The following PPP2R2A variants were observed in gnomAD, a reference collection of about 807,000 sequenced individuals.
The protein encoded by PPP2R2A is protein phosphatase 2 regulatory subunit Balpha, also known as serine/threonine-protein phosphatase 2A 55 kDa regulatory subunit B alpha isoform.
PPP2R2A carries 9 observed loss-of-function variants against 53.2 expected under a neutral mutation model. That is an observed-to-expected ratio of 0.17 (90% CI 0.10 to 0.30). PPP2R2A has a LOEUF of 0.30. PPP2R2A is among the 10% of genes least tolerant of loss of function. PPP2R2A has a pLI of 1.00. For missense variants in PPP2R2A, 235 were observed against 534.6 expected (o/e 0.44, Z 5.53); for synonymous variants, 169 against 174.2 (o/e 0.97, Z 0.23).
At chr8:26,292,439 C>T (rs1176457927) in intron 1 of PPP2R2A, 1 of 985,036 alleles carries the variant, frequency 1.0e-6, no homozygotes, top group Non-Finnish European at 1.2e-6. Context: ...CAAGGCCTTT[C>T]ATGTACAGCA....
In PPP2R2A at chr8:26,372,126, C is replaced by T. The variant is rs1805688260; in HGVS notation, c.*1713C>T. 6.6e-6 allele frequency: 1 copy of T among 152,128 alleles called. No individual in the cohort carries two copies. Among genetic ancestry groups the T allele is most frequent in the African/African-American group, 2.4e-5 (1 of 41,426 alleles). The allele number at this position is 152,128 out of a possible 1,614,324, so 9.4% of individuals were successfully genotyped here. ...CTTGTAAGTTAGCATTTTTAGCACA[C>T]AGGAGAAATTTTATGTAATAAAATT... is the stretch of plus-strand genomic sequence containing the variant. On this transcript the variant is annotated 3_prime_UTR_variant, in exon 10 of 10. Transcript: ENST00000380737.
At chr8:26,355,719 T>G (rs1408719228) in intron 4 of PPP2R2A, among the ~76,000 whole-genome samples, 1 of 151,776 alleles carries the variant, frequency 6.6e-6, no homozygotes, top group African/African-American at 2.4e-5. Flanking sequence ...AAAAAAATTA[T>G]CCGGGTGTGG....
At chr8:26,294,777 C>T (rs1801471842) in intron 2 of PPP2R2A, among the ~76,000 whole-genome samples, 1 of 152,050 alleles carries the variant, frequency 6.6e-6, no homozygotes, top group Non-Finnish European at 1.5e-5. Flanking sequence ...GTGTCAGTGT[C>T]ATCCTTAATT....
At chr8:26,300,801 A>G (rs1272840331) in intron 2 of PPP2R2A, among the ~76,000 whole-genome samples, 2 of 152,204 alleles carry the variant, frequency 1.3e-5, no homozygotes, top group Non-Finnish European at 2.9e-5. Flanking sequence ...CAGTGAGCCG[A>G]GATCGTGCCA....
intron 2 of PPP2R2A, among the ~76,000 whole-genome samples, chr8:26,313,922 A>G (rs1802413853): frequency 6.6e-6 from 1 of 152,236 alleles, no homozygotes; most frequent in African/African-American, 2.4e-5. Flanking sequence ...CCGAATTTGC[A>G]GTAATTTGTT....
At chr8:26,328,635 T>C (rs781290031) in intron 2 of PPP2R2A, among the ~76,000 whole-genome samples, 1 of 152,244 alleles carries the variant, frequency 6.6e-6, no homozygotes, top group Non-Finnish European at 1.5e-5. Flanking sequence ...GGATCAAATG[T>C]ACTTTGTAAC....
At chr8:26,367,440 AC>A (rs1250700839) in intron 9 of PPP2R2A, among the ~76,000 whole-genome samples, 1 of 152,208 alleles carries the variant, frequency 6.6e-6, no homozygotes, top group African/African-American at 2.4e-5. Flanking sequence ...TCAGAAAAAA[AC>A]GATTTGTTTT....
rs1272725065 is a variant in PPP2R2A, at chr8:26,291,555, TGCCGCCGCCGCCGTCGCTGTCGTAGTC to T, written c.-253_-227del. 121 of 501,964 alleles carry T rather than the reference TGCCGCCGCCGCCGTCGCTGTCGTAGTC, an allele frequency of 2.4e-4. No homozygotes were observed. Among genetic ancestry groups the T allele is most frequent in the Middle Eastern group, 1.6e-3 (3 of 1,882 alleles). The allele number at this position is 501,964 out of a possible 1,614,324, so 31.1% of individuals were successfully genotyped here. A position where few individuals can be genotyped will look rare whatever the true frequency, so the allele number is the denominator to read the frequency against. ...AAGTGGAGTCGCCTGCCCCTGCCGC[TGCCGCCGCCGCCGTCGCTGTCGTAGTC>T]GCCGCCGCCGCTGCCGGAGAAAGAG... is the stretch of plus-strand genomic sequence containing the variant. On this transcript the variant is annotated 5_prime_UTR_variant, in exon 1 of 10. Transcript: ENST00000380737.
chr8:26,308,895 C>T (rs1563287301), intron 2 of PPP2R2A, among the ~76,000 whole-genome samples: 1 of 152,080 alleles, frequency 6.6e-6, no homozygotes, highest in Non-Finnish European at 1.5e-5. Context: ...GATAGGGTCT[C>T]TGTTGCCCAG....
At chr8:26,330,467 G>A (rs926052680) in intron 2 of PPP2R2A, among the ~76,000 whole-genome samples, 29 of 151,646 alleles carry the variant, frequency 1.9e-4, no homozygotes, top group African/African-American at 6.5e-4. Context: ...AGCCGGGACC[G>A]CAGGAGCACG....
intron 3 of PPP2R2A, among the ~76,000 whole-genome samples, chr8:26,352,517 A>AT (rs1491126635): frequency 6.6e-6 from 1 of 152,158 alleles, no homozygotes; most frequent in African/African-American, 2.4e-5. Flanking sequence ...GATCACTTTA[A>AT]TAAAGTTTCA....
rs1804681578 is a variant in PPP2R2A at position 26,354,676 on chromosome 8, C to T, written c.346+43C>T. The T allele has an allele frequency of 7.0e-7, 1 of 1,434,128 alleles. No homozygotes were observed. Among genetic ancestry groups the T allele is most frequent in the Admixed American group, 2.2e-5 (1 of 45,360 alleles). 88.8% of individuals were successfully genotyped at this position (1,434,128 alleles called of 1,614,324 possible). ...CTTTCCATGTGCCCACTGTGTGTAC[C>T]TGTTGCACATATCCTGTAGCCTAGG... is the stretch of plus-strand genomic sequence containing the variant. On this transcript the variant is annotated intron_variant, in intron 4 of 9. Coordinates refer to ENST00000380737, the MANE Select transcript of PPP2R2A (RefSeq NM_002717.4). This position sits in a 1 kb window ranked among gnomAD's most constrained non-coding sequence, Gnocchi z 4.6.
At chr8:26,308,667 G>A (rs973505624) in intron 2 of PPP2R2A, among the ~76,000 whole-genome samples, 3 of 152,030 alleles carry the variant, frequency 2.0e-5, no homozygotes, top group East Asian at 1.9e-4. Flanking sequence ...TGAGCCCCTC[G>A]GAGTTATCCG....
rs1805015061 is a variant in PPP2R2A, at chr8:26,360,352, A to C, written c.459+71A>C. 1 of 833,716 alleles carries C rather than the reference A, an allele frequency of 1.2e-6. No homozygotes were observed. The highest frequency in any genetic ancestry group is 1.9e-6 in the Non-Finnish European group (1 of 522,522). 51.6% of individuals were successfully genotyped at this position (833,716 alleles called of 1,614,324 possible). On this transcript the variant is annotated intron_variant, in intron 5 of 9. Transcript: ENST00000380737. The surrounding 1 kb of genome is among the most constrained non-coding windows in gnomAD (Gnocchi z 4.5). ...ATTATATAGCCCAAATCCTGAGCAG[A>C]GCTTGAATAGGAATAATTACAGTCT...
rs1805367203 is a variant in PPP2R2A at position 26,366,240 on chromosome 8, T to C, written c.973-75T>C. 5 of 1,218,568 alleles carry C rather than the reference T, an allele frequency of 4.1e-6. No homozygotes were observed. The African/African-American group carries it at 6.1e-5, about 15-fold the overall frequency. 75.5% of individuals were successfully genotyped at this position (1,218,568 alleles called of 1,614,324 possible). A position where few individuals can be genotyped will look rare whatever the true frequency, so the allele number is the denominator to read the frequency against. On this transcript the variant is annotated intron_variant, in intron 8 of 9. Coordinates refer to ENST00000380737, the MANE Select transcript of PPP2R2A (RefSeq NM_002717.4). ...GTGTATGTGTCTGTATATGCCCTTT[T>C]TTTCTTTTTAAAGATATGGACTTGT...
intron 3 of PPP2R2A, among the ~76,000 whole-genome samples, chr8:26,343,045 G>C (rs368504030): frequency 2.6e-5 from 4 of 151,950 alleles, no homozygotes; most frequent in African/African-American, 9.7e-5. Flanking sequence ...GATCCTGGTG[G>C]CACATACCTG....
At position 26,291,544 on chromosome 8, in the gene PPP2R2A, G is replaced by C. The variant is rs951427050; in HGVS notation, c.-276G>C. On this transcript the variant is annotated 5_prime_UTR_variant, in exon 1 of 10. Transcript: ENST00000380737. ...CGCCATTTTGAAAGTGGAGTCGCCT[G>C]CCCCTGCCGCTGCCGCCGCCGCCGT... 5 of 516,936 alleles carry C rather than the reference G, an allele frequency of 9.7e-6. No homozygotes were observed. Among genetic ancestry groups the C allele is most frequent in the African/African-American group, 4.1e-5 (2 of 49,106 alleles). The allele number at this position is 516,936 out of a possible 1,614,324, so 32.0% of individuals were successfully genotyped here.
At chr8:26,331,546 A>G (rs577992910) in intron 2 of PPP2R2A, among the ~76,000 whole-genome samples, 2 of 152,338 alleles carry the variant, frequency 1.3e-5, no homozygotes, top group Admixed American at 6.5e-5. Context: ...AATATAACAA[A>G]AAGTAGAGGA....
chr8:26,292,508 C>G lies in PPP2R2A; in HGVS notation c.7+682C>G, dbSNP rs190588368. 727 of 916,484 alleles carry G rather than the reference C, an allele frequency of 7.9e-4. 18 individuals are homozygous for G. The Admixed American group carries it at 0.04, about 51-fold the overall frequency. The allele number at this position is 916,484 out of a possible 1,614,324, so 56.8% of individuals were successfully genotyped here. ...GCATGTTAGCTTTTTTGCAGATGTC[C>G]TTTTCCCAAAAGGGTTTGGTAGAGT... is the stretch of plus-strand genomic sequence containing the variant. On this transcript the variant is annotated intron_variant, in intron 1 of 9. Transcript: ENST00000380737.
Sources: allele counts gnomAD v4.1 joint callset (sites outside exome capture counted in the v4.1 genomes callset), GRCh38; gene constraint gnomAD v4.1.1; non-coding constraint Gnocchi (gnomAD v3.1); transcripts MANE v1.5; gene names NCBI Gene and HGNC (gene_info 2026-07-23, HGNC 2026-07-21).